The following XPO5 variants were observed in gnomAD, a reference collection of about 807,000 sequenced individuals.
XPO5 encodes exportin 5, also known as exportin-5.
In XPO5, 46 loss-of-function variants were observed where a neutral mutation model predicts 160.6. That is an observed-to-expected ratio of 0.29 (90% CI 0.23 to 0.37). The LOEUF (loss-of-function observed/expected upper bound fraction) is 0.37. Ranked by LOEUF, XPO5 falls within the 10% of genes least tolerant of loss-of-function variation. The pLI is 1.00. For synonymous variants in XPO5, 537 were observed against 519.3 expected, an observed-to-expected ratio of 1.03 and a Z score of -0.46; for missense variants, 1,090 against 1,463.9, an observed-to-expected ratio of 0.74 and a Z score of 4.17.
intron 20 of XPO5, chr6:43,539,804 T>C (rs1252945358): frequency 2.2e-5 from 12 of 550,988 alleles, no homozygotes; most frequent in East Asian, 1.2e-4. Context: ...AGAACTCCCA[T>C]GTAAAATCAT....
chr6:43,539,326 C>T (rs985420708), intron 20 of XPO5: 20 of 1,572,074 alleles, frequency 1.3e-5, no homozygotes, highest in African/African-American at 8.1e-5. Flanking sequence ...TAGCAACAAA[C>T]GCCTTGAACC....
intron 8 of XPO5, among the ~76,000 whole-genome samples, 172 bp downstream of exon 8, chr6:43,565,488 C>G (rs1308675582): frequency 6.6e-6 from 1 of 151,662 alleles, no homozygotes; most frequent in Non-Finnish European, 1.5e-5. Context: ...TCGCTTGATC[C>G]CAGGAGACGG....
chr6:43,565,292 C>T (rs1363066448), intron 8 of XPO5, among the ~76,000 whole-genome samples: 3 of 152,126 alleles, frequency 2.0e-5, no homozygotes, highest in Non-Finnish European at 2.9e-5. Flanking sequence ...TTCAGGTGGG[C>T]ACAGGGGCTC....
rs1763053684 is a variant in XPO5, at chr6:43,572,369, G to C, written c.300+137C>G. On this transcript the variant is annotated intron_variant, in intron 3 of 31. Transcript: ENST00000265351. ...TAGAATTACAGGTGTGAGTCACTGT[G>C]CCTGGCCTAAATTATGATTTCTTGT... 3 of 808,964 alleles carry C rather than the reference G, an allele frequency of 3.7e-6. No individual in the cohort carries two copies. The Admixed American group carries it at 7.0e-5, about 19-fold the overall frequency. 50.1% of individuals were successfully genotyped at this position (808,964 alleles called of 1,614,324 possible). A position where few individuals can be genotyped will look rare whatever the true frequency, so the allele number is the denominator to read the frequency against.
chr6:43,525,678 GC>G, intron 28 of XPO5, 160 bp downstream of exon 28: 1 of 701,398 alleles, frequency 1.4e-6, no homozygotes, highest in Non-Finnish European at 2.3e-6. Flanking sequence ...CCATGGCATT[GC>G]ACCTTTTCCC....
At chr6:43,539,553 G>T in intron 20 of XPO5, 2 of 1,397,100 alleles carry the variant, frequency 1.4e-6, no homozygotes, top group East Asian at 2.3e-5. Flanking sequence ...TTGCCTCCGC[G>T]AGCTCCGCGG....
intron 20 of XPO5, among the ~76,000 whole-genome samples, chr6:43,537,876 G>A (rs1217711904): frequency 1.3e-5 from 2 of 151,948 alleles, no homozygotes; most frequent in African/African-American, 2.4e-5. Flanking sequence ...AGACCAGCCT[G>A]GGTAACATGG....
At chr6:43,525,721 A>T in intron 28 of XPO5, 118 bp downstream of exon 28, 1 of 1,075,556 alleles carries the variant, frequency 9.3e-7, no homozygotes, top group South Asian at 1.7e-5. Flanking sequence ...GGAACCAGGA[A>T]CTTATGTAAC....
intron 27 of XPO5, chr6:43,526,289 T>C (rs1052372303): frequency 7.0e-5 from 25 of 356,408 alleles, no homozygotes; most frequent in Non-Finnish European, 1.1e-4. Context: ...ACATGGGAGA[T>C]AGGTAAGAAA....
rs1564320 is a variant in XPO5 at position 43,548,020 on chromosome 6, T to C, written c.2060+241A>G. Among the ~76,000 whole-genome samples the C allele has an allele frequency of 0.19, 28,622 of 152,144 alleles. 5,757 individuals carry two copies. The highest frequency in any genetic ancestry group is 0.51 in the African/African-American group (21,080 of 41,442). Reference sequence around the variant, plus strand: ...TGGCCCTTCCTAGCTGTTCTCATTTTTCTAAATGTGCTGGTGCTGCAATGC... The same window carrying C: ...TGGCCCTTCCTAGCTGTTCTCATTTCTCTAAATGTGCTGGTGCTGCAATGC... On this transcript the variant is annotated intron_variant, in intron 18 of 31. Coordinates refer to ENST00000265351, the MANE Select transcript of XPO5 (RefSeq NM_020750.3).
intron 3 of XPO5, 109 bp downstream of exon 3, chr6:43,572,397 T>G: frequency 9.5e-7 from 1 of 1,051,308 alleles, no homozygotes; most frequent in South Asian, 1.3e-5. Context: ...TTTCTTGTGC[T>G]GTCTGACCTA....
chr6:43,536,631 C>T (rs985465853), intron 20 of XPO5, among the ~76,000 whole-genome samples: 2 of 150,206 alleles, frequency 1.3e-5, no homozygotes, highest in Admixed American at 6.7e-5. Flanking sequence ...TGGTGGCACA[C>T]GCCTGTAAAT....
chr6:43,530,332 A>T (rs1471489723), intron 23 of XPO5, among the ~76,000 whole-genome samples: 2 of 152,114 alleles, frequency 1.3e-5, no homozygotes, highest in African/African-American at 4.8e-5. Flanking sequence ...GCTGAGGCAC[A>T]AGAATAGCTT....
rs761119911 is a variant in XPO5 at position 43,560,937 on chromosome 6, G to T, written c.1082C>A (p.Thr361Asn). 4.3e-6 allele frequency: 7 copies of T among 1,613,728 alleles called. No homozygotes were observed. The African/African-American group carries it at 8.0e-5, about 18-fold the overall frequency. The change falls in exon 10 of 32, where the codon ACC becomes AAC. Residue 361 changes from threonine to asparagine, a missense_variant. By Grantham distance (65) the Thr-to-Asn change is moderately conservative. This residue lies in a region of XPO5 where 810 missense variants were observed against 1,139.0 expected (regional missense o/e 0.71). Coordinates refer to ENST00000265351, the MANE Select transcript of XPO5 (RefSeq NM_020750.3). ...TATAAAGTTTACCTGACTTGGATGG[G>T]TTGTGAAAGCAAGAAAAGATTCCAG... ...KYLESFLAFT[T>N]HPSQFLRSST...
intron 12 of XPO5, among the ~76,000 whole-genome samples, chr6:43,558,293 C>T (rs1428471426): frequency 6.6e-6 from 1 of 152,108 alleles, no homozygotes; most frequent in African/African-American, 2.4e-5. Flanking sequence ...TGTCTAAGTG[C>T]TGTGGGGGTT....
chr6:43,529,612 A>C lies in XPO5; in HGVS notation c.2678-687T>G, dbSNP rs142115542. On this transcript the variant is annotated intron_variant, in intron 23 of 31. Transcript: ENST00000265351. Reference sequence around the variant, plus strand: ...TCAACTATTAATAAGGGTCTGAATGAGAATGAAGTGTTAAAACTGCTGCTT... The same window carrying C: ...TCAACTATTAATAAGGGTCTGAATGCGAATGAAGTGTTAAAACTGCTGCTT... 162 of 177,954 alleles carry C rather than the reference A, an allele frequency of 9.1e-4. 1 individual carries two copies. Among genetic ancestry groups the C allele is most frequent in the African/African-American group, 3.6e-3 (148 of 41,494 alleles). 11.0% of individuals were successfully genotyped at this position (177,954 alleles called of 1,614,324 possible).
At chr6:43,528,111 C>T (rs1382231401) in intron 25 of XPO5, 48 bp downstream of exon 25, 1 of 1,557,686 alleles carries the variant, frequency 6.4e-7, no homozygotes, top group Non-Finnish European at 8.7e-7. Context: ...CCACCCCAAA[C>T]CTGGCTGCCA....
At position 43,555,890 on chromosome 6, in the gene XPO5, C is replaced by G; in HGVS notation, c.1387G>C (p.Gly463Arg). ...GATAGTTGATACTTTAGCCACTCCC[C>G]AGCCATCTGGAAGCTAGTTTTGGGA... ...LDPKTSFQMA[G>R]EWLKYQLSTF... Residue 463 changes from glycine to arginine, a missense_variant, in exon 13 of 32, where the codon GGG becomes CGG. Gly to Arg is a moderately radical substitution (Grantham distance 125). Transcript: ENST00000265351. 1 of 1,613,984 alleles carries G rather than the reference C, an allele frequency of 6.2e-7. No individual in the cohort carries two copies. Among genetic ancestry groups the G allele is most frequent in the South Asian group, 1.1e-5 (1 of 91,084 alleles).
intron 20 of XPO5, among the ~76,000 whole-genome samples, chr6:43,540,646 T>C (rs1423818848): frequency 6.6e-6 from 1 of 151,926 alleles, no homozygotes; most frequent in African/African-American, 2.4e-5. Context: ...AGAGTGACAC[T>C]CCGTTTCAAA....
Sources: allele counts gnomAD v4.1 joint callset (sites outside exome capture counted in the v4.1 genomes callset), GRCh38; gene constraint gnomAD v4.1.1; regional missense constraint gnomAD v4.1.1; transcripts MANE v1.5; gene names NCBI Gene and HGNC (gene_info 2026-07-23, HGNC 2026-07-21).